Variants in CSMD2 observed in about 807,000 individuals in gnomAD.
The protein encoded by CSMD2 is CUB and Sushi multiple domains 2, also known as CUB and sushi domain-containing protein 2.
In CSMD2, 130 loss-of-function variants were observed where a neutral mutation model predicts 398.5. That is an observed-to-expected ratio of 0.33 (90% confidence interval 0.28 to 0.38). The LOEUF is 0.38. Ranked by LOEUF, CSMD2 falls within the 10% of genes least tolerant of loss-of-function variation. The pLI, the probability that CSMD2 is intolerant of heterozygous loss-of-function variation, is 1.00. For synonymous variants in CSMD2, 1,828 were observed against 1,908.5 expected (o/e 0.96, Z 1.10); for missense variants, 3,829 against 4,764.9 (o/e 0.80, Z 5.78).
At position 34,157,157 on chromosome 1, in the gene CSMD2, G is replaced by C. The variant is rs148560607; in HGVS notation, c.187+7754C>G. On this transcript the variant is annotated intron_variant, in intron 1 of 70. Transcript: ENST00000373381. ...AGAATGATCCCTTATGGCAGGAAAAGGGAGCCTCCAGCATTTTAGGATTCA... is the reference window on the plus strand; with the variant it reads ...AGAATGATCCCTTATGGCAGGAAAACGGAGCCTCCAGCATTTTAGGATTCA... Among the ~76,000 whole-genome samples, 586 of 152,286 alleles carry C rather than the reference G, an allele frequency of 3.8e-3. 5 individuals carry two copies. Among genetic ancestry groups the C allele is most frequent in the African/African-American group, 0.013 (555 of 41,552 alleles).
chr1:33,604,354 C>T (rs559725357), intron 42 of CSMD2, among the ~76,000 whole-genome samples: 1 of 152,222 alleles, frequency 6.6e-6, no homozygotes, highest in Admixed American at 6.5e-5. Context: ...TACATTCCAA[C>T]ACCAGAACGG....
intron 3 of CSMD2, among the ~76,000 whole-genome samples, chr1:33,954,263 T>C (rs896234474): frequency 6.6e-6 from 1 of 152,068 alleles, no homozygotes; most frequent in Non-Finnish European, 1.5e-5. Context: ...ACCTTGTAAG[T>C]AACAAGCCTG....
At chr1:33,942,989 G>A (rs190052274) in intron 3 of CSMD2, among the ~76,000 whole-genome samples, 13 of 152,202 alleles carry the variant, frequency 8.5e-5, no homozygotes, top group African/African-American at 2.4e-4. Context: ...CCTCTCCAGT[G>A]CATTGTCCTC....
At chr1:33,965,794 A>T (rs1645535641) in intron 3 of CSMD2, among the ~76,000 whole-genome samples, 1 of 152,238 alleles carries the variant, frequency 6.6e-6, no homozygotes, top group Non-Finnish European at 1.5e-5. Flanking sequence ...TTCCTCGGTG[A>T]CCTGTGTGAC....
intron 6 of CSMD2, among the ~76,000 whole-genome samples, chr1:33,837,225 G>C (rs1017763861): frequency 6.6e-6 from 1 of 152,090 alleles, no homozygotes; most frequent in Non-Finnish European, 1.5e-5. Context: ...AACAGACTGG[G>C]ACAGACCAGG....
chr1:34,097,838 T>C (rs1659512169), intron 1 of CSMD2, among the ~76,000 whole-genome samples: 3 of 48,616 alleles, frequency 6.2e-5, no homozygotes, highest in African/African-American at 1.7e-4. Context: ...GTTCAACCAT[T>C]GTGGAAGTCA....
At chr1:33,568,800 A>G (rs889909036) in intron 52 of CSMD2, among the ~76,000 whole-genome samples, 19 of 152,012 alleles carry the variant, frequency 1.2e-4, no homozygotes. Context: ...CATTCAATCT[A>G]TCCTATTAGG....
At chr1:33,555,058 A>G (rs913156885) in intron 55 of CSMD2, among the ~76,000 whole-genome samples, 13 of 152,222 alleles carry the variant, frequency 8.5e-5, no homozygotes, top group Non-Finnish European at 1.8e-4. Flanking sequence ...GAGTATATTG[A>G]AAACCTTCTG....
intron 10 of CSMD2, among the ~76,000 whole-genome samples, chr1:33,794,005 G>A (rs1191937395): frequency 6.6e-6 from 1 of 152,204 alleles, no homozygotes; most frequent in Non-Finnish European, 1.5e-5. Context: ...CCAACAGGGA[G>A]ACTGAAGTTG....
chr1:33,627,815 G>A (rs1014848675), intron 32 of CSMD2, among the ~76,000 whole-genome samples: 2 of 152,220 alleles, frequency 1.3e-5, no homozygotes, highest in African/African-American at 4.8e-5. Context: ...TCCTCCAGAT[G>A]GATGTGAGCA....
chr1:33,669,850 T>C (rs181045511), intron 25 of CSMD2, among the ~76,000 whole-genome samples: 1 of 152,094 alleles, frequency 6.6e-6, no homozygotes, highest in African/African-American at 2.4e-5. Flanking sequence ...AAGGAGACCA[T>C]GTGATGGAGG....
At chr1:33,680,146 G>A (rs1244825489) in intron 25 of CSMD2, among the ~76,000 whole-genome samples, 8 of 79,590 alleles carry the variant, frequency 1.0e-4, no homozygotes, top group South Asian at 5.1e-4. Flanking sequence ...GGATGGCCTC[G>A]CCTTTTTTTT....
chr1:33,567,478 C>CATAT (rs774765893), intron 53 of CSMD2, 115 bp downstream of exon 53: 146 of 469,548 alleles, frequency 3.1e-4, no homozygotes, highest in African/African-American at 5.3e-4. Context: ...AAATAGCAAT[C>CATAT]ATATATATAT....
At position 34,164,207 on chromosome 1, in the gene CSMD2, C is replaced by A. The variant is rs1311808740; in HGVS notation, c.187+704G>T. 6.6e-6 allele frequency among the ~76,000 whole-genome samples: 1 copy of A among 151,748 alleles called. No individual in the cohort carries two copies. The highest frequency in any genetic ancestry group is 1.5e-5 in the Non-Finnish European group (1 of 67,910). ...CTCCCTCCCCCGCCTCGGGCTACAACCCCCACCCCCTCCTTCCCATCCCTC... is the reference window on the plus strand; with the variant it reads ...CTCCCTCCCCCGCCTCGGGCTACAAACCCCACCCCCTCCTTCCCATCCCTC... On this transcript the variant is annotated intron_variant, in intron 1 of 70. Coordinates refer to ENST00000373381, the MANE Select transcript of CSMD2 (RefSeq NM_001281956.2). The surrounding 1 kb of genome is among the most constrained non-coding windows in gnomAD (Gnocchi z 6.2).
At chr1:33,605,539 A>G in intron 41 of CSMD2, 69 bp from the exon 42 acceptor site, 1 of 1,497,248 alleles carries the variant, frequency 6.7e-7, no homozygotes, top group Non-Finnish European at 9.2e-7. Flanking sequence ...CAGAAAGCAT[A>G]GTGGTGAAGC....
intron 5 of CSMD2, among the ~76,000 whole-genome samples, chr1:33,851,658 A>G (rs80006256): frequency 6.6e-6 from 1 of 152,064 alleles, no homozygotes; most frequent in East Asian, 1.9e-4. Flanking sequence ...CCTCTGCCAA[A>G]CCTAAGCCAC....
intron 14 of CSMD2, 114 bp downstream of exon 14, chr1:33,743,166 G>A: frequency 1.2e-6 from 1 of 839,602 alleles, no homozygotes; most frequent in African/African-American, 1.7e-5. Flanking sequence ...GCCCTGCAAT[G>A]CCCTGGGAAC....
At chr1:33,860,969 C>G (rs1639455469) in intron 5 of CSMD2, 1 of 152,118 alleles carries the variant, frequency 6.6e-6, no homozygotes, top group African/African-American at 2.4e-5. Context: ...GAGTATGTCA[C>G]ACAAGTAGAA....
chr1:33,898,784 C>T (rs1436725220), intron 5 of CSMD2, among the ~76,000 whole-genome samples: 1 of 152,130 alleles, frequency 6.6e-6, no homozygotes, highest in Non-Finnish European at 1.5e-5. Context: ...TGAAGGAAAC[C>T]GCTGGTGGAA....
Sources: gnomAD v4.1 joint callset for allele counts (sites outside exome capture counted in the v4.1 genomes callset) on GRCh38, gnomAD v4.1.1 for gene constraint, Gnocchi (gnomAD v3.1) non-coding constraint, MANE v1.5 for transcripts, NCBI Gene and HGNC (gene_info 2026-07-23, HGNC 2026-07-21) for gene names.